Variants in BCL2 observed in about 807,000 individuals in gnomAD.
The protein encoded by BCL2 is apoptosis regulator Bcl-2.
A neutral mutation model predicts 14.2 loss-of-function variants in BCL2; 1 was observed. The observed-to-expected ratio is 0.07, with a 90% CI of 0.02 to 0.33. The LOEUF is 0.33. Ranked by LOEUF, BCL2 falls within the 10% of genes least tolerant of loss-of-function variation. The pLI, the probability that BCL2 is intolerant of heterozygous loss-of-function variation, is 0.99. For synonymous variants in BCL2, 151 were observed against 137.2 expected, an observed-to-expected ratio of 1.10 and a Z score of -0.70; for missense variants, 247 against 305.9, an observed-to-expected ratio of 0.81 and a Z score of 1.44.
chr18:63,276,125 T>C (rs756881598), intron 2 of BCL2, among the ~76,000 whole-genome samples: 6 of 152,112 alleles, frequency 3.9e-5, no homozygotes, highest in Non-Finnish European at 8.8e-5. Context: ...AAGACAGACT[T>C]CTGGGTGAGT....
intron 2 of BCL2, among the ~76,000 whole-genome samples, chr18:63,211,821 G>A (rs376378531): frequency 1.3e-4 from 20 of 152,172 alleles, no homozygotes; most frequent in East Asian, 3.9e-4. Context: ...GGTCCCCTGC[G>A]GCAGCACCAG....
intron 2 of BCL2, among the ~76,000 whole-genome samples, chr18:63,256,558 C>T (rs961900199): frequency 6.6e-6 from 1 of 152,160 alleles, no homozygotes; most frequent in Non-Finnish European, 1.5e-5. Context: ...GCGTGACTTA[C>T]TCAAGGGCTA....
intron 2 of BCL2, among the ~76,000 whole-genome samples, chr18:63,215,628 A>T (rs1910178147): frequency 6.6e-6 from 1 of 152,246 alleles, no homozygotes; most frequent in Non-Finnish European, 1.5e-5. Context: ...GAGAGGAATT[A>T]GAGTGGAAGG....
At chr18:63,284,957 A>G (rs1333004248) in intron 2 of BCL2, among the ~76,000 whole-genome samples, 1 of 152,158 alleles carries the variant, frequency 6.6e-6, no homozygotes, top group African/African-American at 2.4e-5. Context: ...GACGCCAGGA[A>G]AAAAATGGAA....
chr18:63,273,339 A>C (rs1411636062), intron 2 of BCL2, among the ~76,000 whole-genome samples: 6 of 152,182 alleles, frequency 3.9e-5, no homozygotes, highest in Non-Finnish European at 8.8e-5. Flanking sequence ...TTCTGGATTG[A>C]ATCTCAGCGT....
Position 63,283,683 on chromosome 18 carries a change from T to C in BCL2, c.585+34399A>G, listed in dbSNP as rs139848667. Among the ~76,000 whole-genome samples, 3 of 152,302 alleles carry C rather than the reference T, an allele frequency of 2.0e-5. No homozygotes were observed. The East Asian group carries it at 5.8e-4, about 29-fold the overall frequency. On this transcript the variant is annotated intron_variant, in intron 2 of 2. Coordinates refer to ENST00000333681, the MANE Select transcript of BCL2 (RefSeq NM_000633.3). ...GTGCAGGGCCTCGAGGTCTGTTATC[T>C]CACCAAATAACTTTCCCTATGTGGT...
intron 2 of BCL2, among the ~76,000 whole-genome samples, chr18:63,145,373 C>T (rs1354803022): frequency 4.9e-5 from 6 of 122,726 alleles, no homozygotes; most frequent in Non-Finnish European, 8.0e-5. Context: ...TGGCCACTCG[C>T]CCCACTGCCC....
intron 2 of BCL2, chr18:63,317,357 G>A (rs115814747): frequency 1.4e-4 from 24 of 167,406 alleles, no homozygotes; most frequent in African/African-American, 3.8e-4. Flanking sequence ...GAATGCAGCC[G>A]ATGCAAATTC....
chr18:63,305,132 CCTCTG>C (rs1296448788), intron 2 of BCL2, among the ~76,000 whole-genome samples: 3 of 152,202 alleles, frequency 2.0e-5, no homozygotes, highest in African/African-American at 7.2e-5. Context: ...GCTAGATCCC[CCTCTG>C]CTGCAAGCAT....
chr18:63,269,518 A>C (rs1911941060), intron 2 of BCL2, among the ~76,000 whole-genome samples: 1 of 152,220 alleles, frequency 6.6e-6, no homozygotes, highest in African/African-American at 2.4e-5. Context: ...AGGGATTTTC[A>C]TCTAAATCTC....
intron 2 of BCL2, among the ~76,000 whole-genome samples, chr18:63,208,621 T>C (rs961299548): frequency 7.2e-5 from 11 of 151,932 alleles, no homozygotes; most frequent in African/African-American, 2.7e-4. Context: ...GTACAGTGTA[T>C]TGGGTTGAGG....
chr18:63,169,299 TCTTTCTTTCTTCCTTC>T lies in BCL2; in HGVS notation c.586-40556_586-40541del, dbSNP rs764915334. On this transcript the variant is annotated intron_variant, in intron 2 of 2. Transcript: ENST00000333681. Reference sequence around the variant, plus strand: ...TTCTTTCTTTCTTTCTTTCTTTCTTTCTTTCTTTCTTCCTTCCTTCCTTCTTTCCTTTCCTTCCTTT... The same window carrying T: ...TTCTTTCTTTCTTTCTTTCTTTCTTTCTTCCTTCTTTCCTTTCCTTCCTTT... Among the ~76,000 whole-genome samples the T allele has an allele frequency of 2.3e-5, 2 of 86,588 alleles. 1 individual carries two copies. Among genetic ancestry groups the T allele is most frequent in the African/African-American group, 1.2e-4 (2 of 16,850 alleles). The allele number at this position is 86,588 out of a possible 152,430, so 56.8% of individuals were successfully genotyped here.
intron 2 of BCL2, among the ~76,000 whole-genome samples, chr18:63,225,972 G>A (rs559118730): frequency 7.7e-4 from 117 of 152,246 alleles, no homozygotes; most frequent in African/African-American, 2.6e-3. Context: ...GTTCTTGTCC[G>A]GCGTCCAGGA....
chr18:63,274,193 C>T lies in BCL2; in HGVS notation c.585+43889G>A, dbSNP rs143620362. 2.6e-4 allele frequency among the ~76,000 whole-genome samples: 39 copies of T among 151,944 alleles called. 1 individual carries two copies. In the East Asian group the frequency reaches 7.0e-3, roughly 27 times the overall value. On this transcript the variant is annotated intron_variant, in intron 2 of 2. Transcript: ENST00000333681. ...TCCTACATGCCTCTACGGTAATTTCCTATGCTATGCTAATATCTGGGACTT... is the reference window on the plus strand; with the variant it reads ...TCCTACATGCCTCTACGGTAATTTCTTATGCTATGCTAATATCTGGGACTT...
intron 2 of BCL2, among the ~76,000 whole-genome samples, chr18:63,304,411 A>G (rs2849377): frequency 6.6e-6 from 1 of 152,132 alleles, no homozygotes; most frequent in African/African-American, 2.4e-5. Flanking sequence ...CATTCAAAAA[A>G]CATGTACCAA....
chr18:63,301,017 G>A (rs1912947749), intron 2 of BCL2, among the ~76,000 whole-genome samples: 1 of 152,176 alleles, frequency 6.6e-6, no homozygotes, highest in Admixed American at 6.5e-5. Context: ...AAATGGTATG[G>A]AATATTATTC....
At chr18:63,163,027 G>T (rs948457444) in intron 2 of BCL2, among the ~76,000 whole-genome samples, 2 of 152,140 alleles carry the variant, frequency 1.3e-5, no homozygotes, top group African/African-American at 4.8e-5. Context: ...GCTAGTTTTT[G>T]TAGAGATGGG....
At chr18:63,313,226 T>A (rs1276083879) in intron 2 of BCL2, among the ~76,000 whole-genome samples, 1 of 152,224 alleles carries the variant, frequency 6.6e-6, no homozygotes, top group East Asian at 1.9e-4. Flanking sequence ...AAAGCTCTCC[T>A]TGCCGTGCCT....
intron 2 of BCL2, among the ~76,000 whole-genome samples, chr18:63,210,303 G>A (rs1440628332): frequency 1.3e-5 from 2 of 152,174 alleles, no homozygotes; most frequent in Non-Finnish European, 2.9e-5. Context: ...GGGGGTGGAA[G>A]ATCTCAGGGC....
Sources: gnomAD v4.1 joint callset for allele counts (sites outside exome capture counted in the v4.1 genomes callset) on GRCh38, gnomAD v4.1.1 for gene constraint, MANE v1.5 for transcripts, NCBI Gene and HGNC (gene_info 2026-07-23, HGNC 2026-07-21) for gene names.